TBC1D5: variants seen among roughly 807,000 people sequenced by gnomAD.
TBC1D5 encodes TBC1 domain family, member 5.
In TBC1D5, 75 loss-of-function variants were observed where a neutral mutation model predicts 100.3. The observed-to-expected ratio is 0.75, with a 90% CI of 0.62 to 0.91. TBC1D5 has a LOEUF of 0.91. Among genes scored for constraint, TBC1D5 ranks in the 40% least tolerant of loss-of-function variants. TBC1D5 has a pLI of 0.00. For missense variants in TBC1D5, 910 were observed against 942.4 expected (o/e 0.97, Z 0.45); for synonymous variants, 323 against 325.6 (o/e 0.99, Z 0.09).
At chr3:17,602,365 C>T (rs937063807) in intron 2 of TBC1D5, among the ~76,000 whole-genome samples, 1 of 152,048 alleles carries the variant, frequency 6.6e-6, no homozygotes, top group Non-Finnish European at 1.5e-5. Flanking sequence ...CATTGATTTC[C>T]TCTGACTTAT....
chr3:17,442,613 CTG>C (rs2094690570), intron 3 of TBC1D5, among the ~76,000 whole-genome samples: 1 of 152,224 alleles, frequency 6.6e-6, no homozygotes, highest in South Asian at 2.1e-4. Flanking sequence ...CACTCCTCAC[CTG>C]TACATGCTCA....
intron 1 of TBC1D5, among the ~76,000 whole-genome samples, chr3:17,688,164 AT>A (rs1405079426): frequency 1.9e-4 from 29 of 152,152 alleles, no homozygotes; most frequent in Admixed American, 1.3e-3. Flanking sequence ...AAATAAAAAA[AT>A]ATAAACTATT....
chr3:17,164,973 CAGAGAAGAGGT>C (rs554811127), intron 21 of TBC1D5, among the ~76,000 whole-genome samples: 135 of 152,306 alleles, frequency 8.9e-4, no homozygotes, highest in Middle Eastern at 3.4e-3. Context: ...AGGGCCATGG[CAGAGAAGAGGT>C]AGAGAAGAGA....
chr3:17,656,299 A>C (rs1024131199), intron 1 of TBC1D5, among the ~76,000 whole-genome samples: 2 of 152,124 alleles, frequency 1.3e-5, no homozygotes, highest in African/African-American at 2.4e-5. Context: ...GGTTCATTTG[A>C]AAGGAAGGGC....
rs149477714 is a variant in TBC1D5 at position 17,347,329 on chromosome 3, A to C, written c.995+24746T>G. 3.9e-5 allele frequency among the ~76,000 whole-genome samples: 6 copies of C among 152,308 alleles called. 1 individual carries two copies. The East Asian group carries it at 1.2e-3, about 29-fold the overall frequency. ...GTTTAATGACTATATATATTTAAGTAAATTTGGTTTAGTCTGTCTTAATTC... is the reference window on the plus strand; with the variant it reads ...GTTTAATGACTATATATATTTAAGTCAATTTGGTTTAGTCTGTCTTAATTC... On this transcript the variant is annotated intron_variant, in intron 13 of 21. Transcript: ENST00000253692.
intron 3 of TBC1D5, among the ~76,000 whole-genome samples, chr3:17,497,497 T>C (rs1294358885): frequency 1.3e-5 from 2 of 152,230 alleles, no homozygotes; most frequent in Non-Finnish European, 1.5e-5. Context: ...AAAATATATG[T>C]GCCCCTAAGA....
intron 2 of TBC1D5, among the ~76,000 whole-genome samples, chr3:17,619,412 C>A (rs1388907070): frequency 6.6e-6 from 1 of 152,152 alleles, no homozygotes; most frequent in South Asian, 2.1e-4. Flanking sequence ...AGGACTGCTA[C>A]ATGAACAGGC....
chr3:17,178,119 G>A (rs1186524664), intron 19 of TBC1D5, among the ~76,000 whole-genome samples: 13 of 147,992 alleles, frequency 8.8e-5, no homozygotes, highest in South Asian at 4.3e-4. Flanking sequence ...AGGCTGGAGT[G>A]CAGTGGCGCG....
At chr3:17,506,304 TA>T (rs1454521711) in intron 3 of TBC1D5, among the ~76,000 whole-genome samples, 5 of 152,336 alleles carry the variant, frequency 3.3e-5, no homozygotes, top group African/African-American at 1.2e-4. Flanking sequence ...TATTTACCTA[TA>T]CAATGCACAA....
At chr3:17,722,575 G>T (rs1234006773) in intron 1 of TBC1D5, among the ~76,000 whole-genome samples, 3 of 152,156 alleles carry the variant, frequency 2.0e-5, no homozygotes, top group African/African-American at 7.2e-5. Context: ...TCAACCTGTA[G>T]TAACAATTTT....
intron 1 of TBC1D5, among the ~76,000 whole-genome samples, chr3:17,708,063 T>G (rs1270518290): frequency 2.6e-5 from 4 of 152,210 alleles, no homozygotes; most frequent in African/African-American, 9.6e-5. Context: ...TGACGCCCAC[T>G]GTTCACCACC....
rs2066650596 is a variant in TBC1D5 at position 17,166,811 on chromosome 3, G to A, written c.2050C>T (p.Arg684Ter). ...ATTTGAACGCTCTGGCCTTGGCCTC[G>A]GCCCTGGCCCTGGCCGCTGGAGCAG... The change falls in exon 21 of 22, where the codon CGA becomes TGA. Residue 684 changes from arginine to a stop codon, truncating the protein, a stop_gained. Transcript: ENST00000253692. LOFTEE classifies it low-confidence loss of function (END_TRUNC). The A allele has an allele frequency of 1.2e-6, 2 of 1,613,684 alleles. No homozygotes were observed. Among genetic ancestry groups the A allele is most frequent in the Non-Finnish European group, 1.7e-6 (2 of 1,179,656 alleles).
chr3:17,644,564 C>T (rs2064836147), intron 1 of TBC1D5, among the ~76,000 whole-genome samples: 1 of 152,088 alleles, frequency 6.6e-6, no homozygotes, highest in Non-Finnish European at 1.5e-5. Context: ...TTCTAGACTA[C>T]TTCCACTGCA....
At chr3:17,555,039 G>T (rs2096505208) in intron 2 of TBC1D5, among the ~76,000 whole-genome samples, 2 of 146,830 alleles carry the variant, frequency 1.4e-5, no homozygotes, top group Admixed American at 1.3e-4. Context: ...TAGAAGAGAT[G>T]GGGGTTTCCC....
chr3:17,609,674 T>C (rs1248189929), intron 2 of TBC1D5, among the ~76,000 whole-genome samples: 1 of 152,102 alleles, frequency 6.6e-6, no homozygotes, highest in Non-Finnish European at 1.5e-5. Flanking sequence ...TGAGGAAGTT[T>C]CCCAAATTTT....
chr3:17,264,704 T>G (rs1032716874), intron 15 of TBC1D5, among the ~76,000 whole-genome samples: 6 of 152,340 alleles, frequency 3.9e-5, no homozygotes, highest in Admixed American at 2.0e-4. Context: ...GCAACTGTAA[T>G]GAGTTAGTTA....
At chr3:17,226,191 G>C (rs954101704) in intron 17 of TBC1D5, among the ~76,000 whole-genome samples, 10 of 150,618 alleles carry the variant, frequency 6.6e-5, no homozygotes, top group Non-Finnish European at 1.5e-4. Flanking sequence ...AGCACACTGG[G>C]GTAAATGGAT....
chr3:17,168,961 C>G (rs1318358471), intron 19 of TBC1D5, among the ~76,000 whole-genome samples: 2 of 152,202 alleles, frequency 1.3e-5, no homozygotes, highest in African/African-American at 4.8e-5. Context: ...GAGGCAGAAC[C>G]AGTGCGCTGT....
At chr3:17,480,226 C>T (rs1036712944) in intron 3 of TBC1D5, among the ~76,000 whole-genome samples, 44 of 148,330 alleles carry the variant, frequency 3.0e-4, no homozygotes, top group Admixed American at 1.5e-3. Context: ...GGTGGCTCAG[C>T]ATGTGCCTGC....
Sources: gnomAD v4.1 joint callset for allele counts (sites outside exome capture counted in the v4.1 genomes callset) on GRCh38, gnomAD v4.1.1 for gene constraint, MANE v1.5 for transcripts, NCBI Gene and HGNC (gene_info 2026-07-23, HGNC 2026-07-21) for gene names.